The following SLC35G2 variants were observed in gnomAD, a reference collection of about 807,000 sequenced individuals.
SLC35G2 encodes solute carrier family 35 member G2.
In SLC35G2, 20 loss-of-function variants were observed where a neutral mutation model predicts 27.2. The observed-to-expected ratio is 0.74, with a 90% CI of 0.52 to 1.07. The LOEUF (loss-of-function observed/expected upper bound fraction) is 1.07. Ranked by LOEUF, SLC35G2 falls within the 50% of genes least tolerant of loss-of-function variation. SLC35G2 has a pLI of 0.00. For synonymous variants in SLC35G2, 148 were observed against 165.3 expected (o/e 0.90, Z 0.80); for missense variants, 416 against 493.3 (o/e 0.84, Z 1.48).
At chr3:136,829,887 C>T (rs1214119256) in intron 1 of SLC35G2, among the ~76,000 whole-genome samples, 1 of 152,010 alleles carries the variant, frequency 6.6e-6, no homozygotes, top group Non-Finnish European at 1.5e-5. Context: ...TTATTAAATG[C>T]CTTGAAGTAG....
intron 1 of SLC35G2, among the ~76,000 whole-genome samples, chr3:136,825,064 C>T (rs1936551653): frequency 6.6e-6 from 1 of 151,916 alleles, no homozygotes; most frequent in African/African-American, 2.4e-5. Context: ...CATCTATGTC[C>T]CTGCAAACGT....
intron 1 of SLC35G2, among the ~76,000 whole-genome samples, chr3:136,843,605 C>T (rs1937210640): frequency 1.3e-5 from 2 of 151,830 alleles, no homozygotes; most frequent in Non-Finnish European, 2.9e-5. Flanking sequence ...GAGATTGCTC[C>T]ATTGCACTCC....
At chr3:136,827,474 A>C (rs1412100781) in intron 1 of SLC35G2, among the ~76,000 whole-genome samples, 1 of 152,142 alleles carries the variant, frequency 6.6e-6, no homozygotes, top group African/African-American at 2.4e-5. Context: ...TCAGCCTCTC[A>C]AATTGCTGGC....
chr3:136,855,656 G>C lies in SLC35G2; in HGVS notation c.1196G>C (p.Arg399Thr). 1 of 1,611,166 alleles carries C rather than the reference G, an allele frequency of 6.2e-7. No homozygotes were observed. Among genetic ancestry groups the C allele is most frequent in the South Asian group, 1.1e-5 (1 of 90,936 alleles). ...TATAAACTTTACTGGAGGAATTTAA[G>C]AAAGCAGGACTACCAGGAAATACTA... ...AGYKLYWRNL[R>T]KQDYQEILDS... Residue 399 changes from arginine (R) to threonine (T), a missense_variant, in exon 2 of 2, where the codon AGA becomes ACA. Arg to Thr is a moderately conservative substitution (Grantham distance 71). Coordinates refer to ENST00000446465, the MANE Select transcript of SLC35G2 (RefSeq NM_025246.3).
intron 1 of SLC35G2, among the ~76,000 whole-genome samples, chr3:136,822,655 A>G (rs1379311212): frequency 1.3e-5 from 2 of 152,138 alleles, no homozygotes; most frequent in Non-Finnish European, 1.5e-5. Flanking sequence ...TGATTTTTAG[A>G]TCCCACAGAT....
At chr3:136,846,761 G>T (rs1008046503) in intron 1 of SLC35G2, among the ~76,000 whole-genome samples, 1 of 152,200 alleles carries the variant, frequency 6.6e-6, no homozygotes, top group Non-Finnish European at 1.5e-5. Flanking sequence ...TATGTCAAAA[G>T]ATCCCCAAAA....
chr3:136,840,755 C>T (rs2108012900), intron 1 of SLC35G2, among the ~76,000 whole-genome samples: 1 of 152,048 alleles, frequency 6.6e-6, no homozygotes, highest in Non-Finnish European at 1.5e-5. Flanking sequence ...TCCCTGGTAG[C>T]TGGGACTATA....
At chr3:136,835,589 T>C (rs1463089010) in intron 1 of SLC35G2, among the ~76,000 whole-genome samples, 1 of 152,224 alleles carries the variant, frequency 6.6e-6, no homozygotes, top group East Asian at 1.9e-4. Context: ...AAACATCTGG[T>C]TTCTTAACAA....
intron 1 of SLC35G2, among the ~76,000 whole-genome samples, chr3:136,828,552 CT>C (rs2107999002): frequency 6.6e-6 from 1 of 152,236 alleles, no homozygotes; most frequent in East Asian, 1.9e-4. Context: ...AGTATAACTA[CT>C]TTTGTCCTTG....
intron 1 of SLC35G2, among the ~76,000 whole-genome samples, chr3:136,820,683 A>G (rs1383988371): frequency 6.6e-6 from 1 of 152,216 alleles, no homozygotes; most frequent in Non-Finnish European, 1.5e-5. Flanking sequence ...ATTACACACT[A>G]CAAGCCACAC....
chr3:136,837,869 T>C (rs965523319), intron 1 of SLC35G2: 1 of 151,036 alleles, frequency 6.6e-6, no homozygotes, highest in Non-Finnish European at 1.5e-5. Context: ...AAACAAGGTC[T>C]TGCTCTGTCA....
rs983310757 is a variant in SLC35G2 at position 136,852,957 on chromosome 3, G to A, written c.-18-1486G>A. Reference sequence around the variant, plus strand: ...ATAAAGTTGTTATAGGTGAAAGGAAGCCAAATTTATTGCTAACATTTATTG... The same window carrying A: ...ATAAAGTTGTTATAGGTGAAAGGAAACCAAATTTATTGCTAACATTTATTG... On this transcript the variant is annotated intron_variant, in intron 1 of 1. Transcript: ENST00000446465. 3.9e-5 allele frequency among the ~76,000 whole-genome samples: 6 copies of A among 152,250 alleles called. No individual in the cohort carries two copies. The South Asian group carries it at 1.2e-3, about 32-fold the overall frequency.
chr3:136,847,861 C>T (rs1937460703), intron 1 of SLC35G2, among the ~76,000 whole-genome samples: 1 of 151,938 alleles, frequency 6.6e-6, no homozygotes, highest in South Asian at 2.1e-4. Flanking sequence ...CCTGTAATCC[C>T]AAGTACTCAG....
chr3:136,828,579 C>T (rs1050951213), intron 1 of SLC35G2, among the ~76,000 whole-genome samples: 30 of 152,198 alleles, frequency 2.0e-4, no homozygotes, highest in East Asian at 1.4e-3. Context: ...TTTTCATTGG[C>T]GTGGAATATC....
intron 1 of SLC35G2, among the ~76,000 whole-genome samples, chr3:136,829,437 G>C (rs903997003): frequency 2.6e-5 from 4 of 152,050 alleles, no homozygotes; most frequent in African/African-American, 9.7e-5. Flanking sequence ...GGCCAGGCTG[G>C]TTTTGAACTC....
At chr3:136,836,641 C>T (rs1158212677) in intron 1 of SLC35G2, among the ~76,000 whole-genome samples, 2 of 152,156 alleles carry the variant, frequency 1.3e-5, no homozygotes, top group African/African-American at 4.8e-5. Flanking sequence ...CAGAGATGTG[C>T]CTTCCATAAG....
chr3:136,824,594 T>A (rs1936539247), intron 1 of SLC35G2, among the ~76,000 whole-genome samples: 1 of 152,172 alleles, frequency 6.6e-6, no homozygotes, highest in African/African-American at 2.4e-5. Context: ...TTACTGAATT[T>A]GTTTATCTGT....
intron 1 of SLC35G2, among the ~76,000 whole-genome samples, chr3:136,844,692 C>G (rs948499480): frequency 2.7e-5 from 4 of 147,050 alleles, no homozygotes; most frequent in South Asian, 4.4e-4. Context: ...CCCAGCTACT[C>G]GTGAGGCTGA....
chr3:136,827,213 GT>G (rs112082850), intron 1 of SLC35G2, among the ~76,000 whole-genome samples: 119 of 143,606 alleles, frequency 8.3e-4, no homozygotes, highest in African/African-American at 1.4e-3. Context: ...CTTCTACTAA[GT>G]TTTTTTTTTT....
Sources: gnomAD v4.1 joint callset for allele counts (sites outside exome capture counted in the v4.1 genomes callset) on GRCh38, gnomAD v4.1.1 for gene constraint, MANE v1.5 for transcripts, NCBI Gene and HGNC (gene_info 2026-07-23, HGNC 2026-07-21) for gene names.